The following NOL4 variants were observed in gnomAD, a reference collection of about 807,000 sequenced individuals.
NOL4 encodes the protein cancer/testis antigen 125.
Under a neutral mutation model 75.9 loss-of-function variants are expected in NOL4, and 17 were observed. That is an observed-to-expected ratio of 0.22 (90% confidence interval 0.15 to 0.34). The LOEUF (loss-of-function observed/expected upper bound fraction) is 0.34. Ranked by LOEUF, NOL4 falls within the 10% of genes least tolerant of loss-of-function variation. The probability of loss-of-function intolerance (pLI) is 1.00; values close to 1 mark genes in which losing one functional copy is unlikely to be tolerated. For missense variants in NOL4, 614 were observed against 793.5 expected, an observed-to-expected ratio of 0.77 and a Z score of 2.72; for synonymous variants, 292 against 289.9, an observed-to-expected ratio of 1.01 and a Z score of -0.07.
At chr18:34,027,145 T>C (rs867334847) in intron 5 of NOL4, among the ~76,000 whole-genome samples, 1 of 152,052 alleles carries the variant, frequency 6.6e-6, no homozygotes, top group South Asian at 2.1e-4. Context: ...ATTATAGAAA[T>C]AGTAGAATAT....
intron 6 of NOL4, among the ~76,000 whole-genome samples, chr18:34,014,738 T>A (rs906881826): frequency 1.3e-5 from 2 of 151,994 alleles, no homozygotes; most frequent in Non-Finnish European, 2.9e-5. Flanking sequence ...AAAATAAATA[T>A]CACCTAACTT....
intron 9 of NOL4, among the ~76,000 whole-genome samples, chr18:33,894,789 G>A (rs965556895): frequency 1.3e-5 from 2 of 152,122 alleles, no homozygotes; most frequent in South Asian, 4.1e-4. Flanking sequence ...CAGAGAAGTA[G>A]AGAGTAGAAT....
At chr18:33,875,820 C>T (rs1201195745) in intron 10 of NOL4, among the ~76,000 whole-genome samples, 2 of 151,962 alleles carry the variant, frequency 1.3e-5, no homozygotes, top group Non-Finnish European at 2.9e-5. Context: ...AGGGATATAA[C>T]AGTGAACAAG....
At chr18:34,194,661 A>G (rs1449564729) in intron 1 of NOL4, among the ~76,000 whole-genome samples, 1 of 152,142 alleles carries the variant, frequency 6.6e-6, no homozygotes, top group Non-Finnish European at 1.5e-5. Flanking sequence ...CTATTATGTT[A>G]GCTCTGTCAT....
chr18:33,978,317 A>G (rs1257788974), intron 6 of NOL4, among the ~76,000 whole-genome samples: 2 of 152,184 alleles, frequency 1.3e-5, no homozygotes, highest in African/African-American at 4.8e-5. Flanking sequence ...AAGGTAGAGT[A>G]GGATAGGAAA....
chr18:34,070,065 T>C (rs1186731474), intron 5 of NOL4, among the ~76,000 whole-genome samples: 2 of 152,236 alleles, frequency 1.3e-5, no homozygotes, highest in South Asian at 2.1e-4. Flanking sequence ...GGAGTCTCGC[T>C]CAGTCGCCCA....
At chr18:34,103,244 G>A (rs1410244171) in intron 4 of NOL4, among the ~76,000 whole-genome samples, 2 of 151,958 alleles carry the variant, frequency 1.3e-5, no homozygotes, top group Non-Finnish European at 2.9e-5. Context: ...TAAATAACCT[G>A]AATGCATCTA....
chr18:34,018,261 G>C (rs2074822100), intron 6 of NOL4, among the ~76,000 whole-genome samples: 1 of 152,056 alleles, frequency 6.6e-6, no homozygotes, highest in Non-Finnish European at 1.5e-5. Flanking sequence ...ATGTAATTTG[G>C]CTTTAAACCA....
At chr18:34,198,608 TA>T (rs1294185289) in intron 1 of NOL4, among the ~76,000 whole-genome samples, 1 of 151,668 alleles carries the variant, frequency 6.6e-6, no homozygotes, top group African/African-American at 2.4e-5. Context: ...TATGCAACTT[TA>T]AAAAAAATTG....
intron 6 of NOL4, among the ~76,000 whole-genome samples, chr18:33,996,992 G>T (rs910589224): frequency 1.3e-5 from 2 of 151,770 alleles, no homozygotes; most frequent in Admixed American, 1.3e-4. Context: ...TACGCATTCT[G>T]GATGTTGAAC....
At chr18:33,873,406 C>A (rs766673250) in intron 10 of NOL4, among the ~76,000 whole-genome samples, 6 of 151,880 alleles carry the variant, frequency 4.0e-5, no homozygotes, top group South Asian at 2.1e-4. Flanking sequence ...TTTCCTATGA[C>A]CCTGGTTAAT....
intron 10 of NOL4, among the ~76,000 whole-genome samples, chr18:33,860,318 A>G (rs565474291): frequency 1.3e-5 from 2 of 152,150 alleles, no homozygotes; most frequent in South Asian, 2.1e-4. Context: ...TCCTTTTTAC[A>G]TTTCAAAACC....
chr18:34,183,967 A>C (rs1376939498), intron 1 of NOL4, among the ~76,000 whole-genome samples: 1 of 151,876 alleles, frequency 6.6e-6, no homozygotes, highest in African/African-American at 2.4e-5. Context: ...TATGTAAATA[A>C]AAATATAAAT....
At chr18:34,003,450 A>C (rs1479350659) in intron 6 of NOL4, among the ~76,000 whole-genome samples, 1 of 152,120 alleles carries the variant, frequency 6.6e-6, no homozygotes, top group African/African-American at 2.4e-5. Context: ...TTGCAAATCT[A>C]ACACTTTGAT....
At chr18:34,136,110 G>GA (rs950778394) in intron 1 of NOL4, among the ~76,000 whole-genome samples, 3 of 151,944 alleles carry the variant, frequency 2.0e-5, no homozygotes, top group Non-Finnish European at 4.4e-5. Context: ...ATAGATCCAG[G>GA]AAAAAACTCA....
intron 4 of NOL4, among the ~76,000 whole-genome samples, chr18:34,094,500 C>G (rs1377378927): frequency 2.6e-5 from 4 of 152,068 alleles, no homozygotes; most frequent in Non-Finnish European, 4.4e-5. Flanking sequence ...GCTGAATGGC[C>G]AATTTATCAA....
chr18:34,125,324 C>T (rs528583564), intron 2 of NOL4, among the ~76,000 whole-genome samples: 2 of 152,240 alleles, frequency 1.3e-5, no homozygotes, highest in African/African-American at 2.4e-5. Context: ...TCTTAGACTA[C>T]AGAATTATAT....
In NOL4 at chr18:33,851,157, G is replaced by A. The variant is rs541558860; in HGVS notation, c.*1685C>T. 6.6e-6 allele frequency: 1 copy of A among 152,420 alleles called. No individual in the cohort carries two copies. The highest frequency in any genetic ancestry group is 2.1e-4 in the South Asian group (1 of 4,820). The allele number at this position is 152,420 out of a possible 1,614,324, so 9.4% of individuals were successfully genotyped here. A position where few individuals can be genotyped will look rare whatever the true frequency, so the allele number is the denominator to read the frequency against. ...AAACAAAACAGAGAAAATTATACCA[G>A]CCCTCAATTTTTGAATTTTCATTTA... is the stretch of plus-strand genomic sequence containing the variant. On this transcript the variant is annotated 3_prime_UTR_variant, in exon 11 of 11. Coordinates refer to ENST00000261592, the MANE Select transcript of NOL4 (RefSeq NM_003787.5).
intron 5 of NOL4, among the ~76,000 whole-genome samples, chr18:34,064,857 T>C (rs2077202766): frequency 6.6e-6 from 1 of 151,726 alleles, no homozygotes; most frequent in Non-Finnish European, 1.5e-5. Context: ...GAGCTTACTA[T>C]AATTACTGTA....
Sources: allele counts gnomAD v4.1 joint callset (sites outside exome capture counted in the v4.1 genomes callset), GRCh38; gene constraint gnomAD v4.1.1; transcripts MANE v1.5; gene names NCBI Gene and HGNC (gene_info 2026-07-23, HGNC 2026-07-21).